Variants in CNTNAP2 observed in about 807,000 individuals in gnomAD.
CNTNAP2 encodes contactin associated protein 2, also known as contactin-associated protein-like 2.
A neutral mutation model predicts 155.2 loss-of-function variants in CNTNAP2; 98 were observed. The observed-to-expected ratio is 0.63, with a 90% confidence interval of 0.54 to 0.75. The LOEUF is 0.75. CNTNAP2 is among the 30% of genes least tolerant of loss of function. The pLI, the probability that CNTNAP2 is intolerant of heterozygous loss-of-function variation, is 0.00. For missense variants in CNTNAP2, 1,727 were observed against 1,688.1 expected, an observed-to-expected ratio of 1.02 and a Z score of -0.40; for synonymous variants, 651 against 631.2, an observed-to-expected ratio of 1.03 and a Z score of -0.47.
intron 3 of CNTNAP2, among the ~76,000 whole-genome samples, chr7:146,970,639 G>A (rs1334516302): frequency 6.6e-6 from 1 of 152,028 alleles, no homozygotes; most frequent in African/African-American, 2.4e-5. Context: ...CAACCATTGT[G>A]GAAGTCAGTG....
At chr7:147,030,027 G>A (rs548140762) in intron 3 of CNTNAP2, among the ~76,000 whole-genome samples, 60 of 152,270 alleles carry the variant, frequency 3.9e-4, no homozygotes, top group African/African-American at 1.3e-3. Context: ...AAAAGCAATG[G>A]TTTTGGAGGG....
intron 1 of CNTNAP2, among the ~76,000 whole-genome samples, chr7:146,624,593 T>A (rs753147234): frequency 6.6e-6 from 1 of 152,074 alleles, no homozygotes; most frequent in Non-Finnish European, 1.5e-5. Context: ...CTCTTCCATT[T>A]TCTATTCCTC....
chr7:147,292,334 A>C (rs1584851040), intron 8 of CNTNAP2, among the ~76,000 whole-genome samples: 1 of 152,190 alleles, frequency 6.6e-6, no homozygotes, highest in Non-Finnish European at 1.5e-5. Context: ...GTTAAAAAAC[A>C]ATTGACTACC....
rs201660321 is a variant in CNTNAP2, at chr7:146,354,417, T to TG, written c.97+237444_97+237445insG. 8.6e-3 allele frequency among the ~76,000 whole-genome samples: 1,291 copies of TG among 150,728 alleles called. 17 individuals are homozygous for TG. The highest frequency in any genetic ancestry group is 0.03 in the African/African-American group (1,226 of 40,612). On this transcript the variant is annotated intron_variant, in intron 1 of 23. Transcript: ENST00000361727. ...CAGTTCCTCTCTTGTTAGTATTTTT[T>TG]TTTTTTTTTTTGTTTGAGACAGAAT...
At chr7:148,012,825 C>G (rs1802105040) in intron 15 of CNTNAP2, among the ~76,000 whole-genome samples, 1 of 152,146 alleles carries the variant, frequency 6.6e-6, no homozygotes, top group African/African-American at 2.4e-5. Context: ...TTTGCTACAA[C>G]AAATAATACT....
chr7:147,819,710 C>T (rs1798332789), intron 13 of CNTNAP2, among the ~76,000 whole-genome samples: 1 of 152,128 alleles, frequency 6.6e-6, no homozygotes, highest in Admixed American at 6.6e-5. Flanking sequence ...CAGTGCCTTT[C>T]AGTTCAAAGG....
intron 1 of CNTNAP2, among the ~76,000 whole-genome samples, chr7:146,616,188 AAAG>A (rs1478176650): frequency 6.6e-6 from 1 of 152,104 alleles, no homozygotes; most frequent in Non-Finnish European, 1.5e-5. Context: ...GGAGTTGAGA[AAAG>A]GAGGGAATCA....
At chr7:146,369,189 G>A (rs1004455823) in intron 1 of CNTNAP2, among the ~76,000 whole-genome samples, 2 of 151,582 alleles carry the variant, frequency 1.3e-5, no homozygotes, top group African/African-American at 4.8e-5. Flanking sequence ...GTGTGTGTAT[G>A]TGTGTTTTAA....
intron 1 of CNTNAP2, among the ~76,000 whole-genome samples, chr7:146,331,052 C>G (rs1405784364): frequency 5.3e-5 from 8 of 152,224 alleles, no homozygotes; most frequent in African/African-American, 1.7e-4. Flanking sequence ...CGCCTGTAAT[C>G]CCAGCACTTT....
intron 11 of CNTNAP2, among the ~76,000 whole-genome samples, chr7:147,492,505 A>C (rs1256369608): frequency 1.3e-5 from 2 of 152,182 alleles, no homozygotes; most frequent in African/African-American, 4.8e-5. Flanking sequence ...ATGAACATAA[A>C]AATCTTTTGA....
At chr7:147,493,576 G>A (rs1395026919) in intron 11 of CNTNAP2, among the ~76,000 whole-genome samples, 1 of 152,106 alleles carries the variant, frequency 6.6e-6, no homozygotes, top group Non-Finnish European at 1.5e-5. Flanking sequence ...GAGAGGGCAG[G>A]AATACTAGGA....
At chr7:148,000,485 CAT>C (rs1801876847) in intron 15 of CNTNAP2, among the ~76,000 whole-genome samples, 1 of 152,078 alleles carries the variant, frequency 6.6e-6, no homozygotes, top group South Asian at 2.1e-4. Flanking sequence ...CCATGAAGGT[CAT>C]ATTATTACCC....
chr7:147,634,384 T>C (rs1402929690), intron 12 of CNTNAP2, among the ~76,000 whole-genome samples: 1 of 152,170 alleles, frequency 6.6e-6, no homozygotes, highest in African/African-American at 2.4e-5. Flanking sequence ...TTCTCACTTG[T>C]AAGTGGGAGC....
chr7:147,277,773 T>A (rs1322662904), intron 8 of CNTNAP2, among the ~76,000 whole-genome samples: 1 of 137,960 alleles, frequency 7.2e-6, no homozygotes, highest in South Asian at 2.2e-4. Context: ...AAGTTCAAAC[T>A]TCTTTTTTTT....
At chr7:146,692,770 C>A (rs1800718822) in intron 1 of CNTNAP2, among the ~76,000 whole-genome samples, 1 of 152,072 alleles carries the variant, frequency 6.6e-6, no homozygotes, top group African/African-American at 2.4e-5. Flanking sequence ...CTTGAAACCA[C>A]CTAACATGGT....
chr7:148,293,902 G>A (rs1797235689), intron 21 of CNTNAP2, among the ~76,000 whole-genome samples: 1 of 151,892 alleles, frequency 6.6e-6, no homozygotes, highest in African/African-American at 2.4e-5. Flanking sequence ...AGTCATGGTG[G>A]CGCATTACTA....
intron 12 of CNTNAP2, among the ~76,000 whole-genome samples, chr7:147,631,034 G>A (rs1183749498): frequency 6.6e-6 from 1 of 151,796 alleles, no homozygotes; most frequent in African/African-American, 2.4e-5. Flanking sequence ...AATTAAAGTT[G>A]TGCTGTTCAC....
chr7:147,954,900 C>T (rs1800993322), intron 14 of CNTNAP2, among the ~76,000 whole-genome samples: 1 of 152,158 alleles, frequency 6.6e-6, no homozygotes, highest in South Asian at 2.1e-4. Context: ...AGTGATTTCA[C>T]TATGAAGAGA....
intron 13 of CNTNAP2, among the ~76,000 whole-genome samples, chr7:147,782,528 T>C (rs1025659766): frequency 7.2e-5 from 11 of 152,180 alleles, no homozygotes; most frequent in African/African-American, 2.7e-4. Flanking sequence ...TTACAGATAG[T>C]TCCTTCTTGC....
Sources: gnomAD v4.1 joint callset for allele counts (sites outside exome capture counted in the v4.1 genomes callset) on GRCh38, gnomAD v4.1.1 for gene constraint, MANE v1.5 for transcripts, NCBI Gene and HGNC (gene_info 2026-07-23, HGNC 2026-07-21) for gene names.